Variants in RICTOR observed in about 807,000 individuals in gnomAD.
RICTOR encodes rapamycin-insensitive companion of mTOR.
In RICTOR, 49 loss-of-function variants were observed where a neutral mutation model predicts 214.9. That is an observed-to-expected ratio of 0.23 (90% CI 0.18 to 0.29). The LOEUF (loss-of-function observed/expected upper bound fraction) is 0.29. Ranked by LOEUF, RICTOR falls within the 10% of genes least tolerant of loss-of-function variation. The pLI is 1.00. For missense variants in RICTOR, 1,625 were observed against 2,047.0 expected, an observed-to-expected ratio of 0.79 and a Z score of 3.98; for synonymous variants, 717 against 711.3, an observed-to-expected ratio of 1.01 and a Z score of -0.13.
chr5:39,003,683 C>A, intron 3 of RICTOR, 61 bp from the exon 4 acceptor site: 1 of 969,950 alleles, frequency 1.0e-6, no homozygotes, highest in Admixed American at 2.0e-5. Flanking sequence ...TATTTATATA[C>A]ATTATATATT....
intron 2 of RICTOR, among the ~76,000 whole-genome samples, chr5:39,059,483 T>C (rs1275144169): frequency 6.6e-6 from 1 of 152,152 alleles, no homozygotes; most frequent in East Asian, 1.9e-4. Flanking sequence ...GAATTGTACA[T>C]TTATAACAAA....
intron 5 of RICTOR, among the ~76,000 whole-genome samples, chr5:39,001,449 G>A (rs1468316896): frequency 6.6e-6 from 1 of 152,138 alleles, no homozygotes; most frequent in East Asian, 1.9e-4. Context: ...ATCAAATCAA[G>A]TAAGATGGTT....
chr5:38,970,686 A>G (rs1187691692), intron 11 of RICTOR: 1 of 146,508 alleles, frequency 6.8e-6, no homozygotes, highest in Non-Finnish European at 1.5e-5. Context: ...AAAAACATTT[A>G]AGGAGAAAGG....
chr5:38,958,566 A>G, intron 23 of RICTOR, 47 bp from the exon 24 acceptor site: 2 of 1,552,076 alleles, frequency 1.3e-6, no homozygotes, highest in Non-Finnish European at 8.8e-7. Context: ...AAAAATAGCA[A>G]AATTTTTAGT....
chr5:38,975,921 G>A (rs532598504), intron 9 of RICTOR, among the ~76,000 whole-genome samples: 157 of 152,248 alleles, frequency 1.0e-3, no homozygotes, highest in South Asian at 5.2e-3. Flanking sequence ...TGTGGTACTA[G>A]GCTGCCCCTT....
intron 10 of RICTOR, among the ~76,000 whole-genome samples, chr5:38,974,701 T>C (rs1320164858): frequency 6.6e-6 from 1 of 152,146 alleles, no homozygotes. Flanking sequence ...ATTTATGAGG[T>C]ATAGCAAGGC....
rs1748236124 is a variant in RICTOR at position 38,946,636 on chromosome 5, A to T, written c.4315-84T>A. On this transcript the variant is annotated intron_variant, in intron 32 of 37. Transcript: ENST00000357387. ...AATTAGCAAAATTAAACAAAATAAA[A>T]TTAAAATAGAATTACCATAGCATAT... 3 of 822,266 alleles carry T rather than the reference A, an allele frequency of 3.6e-6. No individual in the cohort carries two copies. The Admixed American group carries it at 5.9e-5, about 16-fold the overall frequency. The allele number at this position is 822,266 out of a possible 1,614,324, so 50.9% of individuals were successfully genotyped here.
intron 2 of RICTOR, among the ~76,000 whole-genome samples, chr5:39,037,241 C>G (rs1237186002): frequency 6.6e-6 from 1 of 152,034 alleles, no homozygotes; most frequent in Non-Finnish European, 1.5e-5. Context: ...GAAATGAAGG[C>G]AGAAATAAAG....
intron 11 of RICTOR, 104 bp downstream of exon 11, chr5:38,971,773 A>G (rs985293794): frequency 4.8e-5 from 31 of 641,784 alleles, no homozygotes; most frequent in Non-Finnish European, 6.6e-5. Flanking sequence ...ATCTAGATTA[A>G]CAACTAATGA....
chr5:38,958,357 T>A (rs1289104801), intron 24 of RICTOR, 86 bp downstream of exon 24: 1 of 836,608 alleles, frequency 1.2e-6, no homozygotes, highest in Admixed American at 1.8e-5. Flanking sequence ...TCAGCGTACT[T>A]CCCATTTGGA....
Position 38,946,359 on chromosome 5 carries a change from T to C in RICTOR, c.4399+109A>G. On this transcript the variant is annotated intron_variant, in intron 33 of 37. Coordinates refer to ENST00000357387, the MANE Select transcript of RICTOR (RefSeq NM_152756.5). The stretch of plus-strand genomic sequence containing the variant: ...TGTTTTGGTATAATTTTAAAGTTGA[T>C]CCAAAAGTGAGTCTTCCTAAATTTT... The C allele has an allele frequency of 4.3e-6, 3 of 700,306 alleles. No homozygotes were observed. In the East Asian group the frequency reaches 7.6e-5, roughly 18 times the overall value. The allele number at this position is 700,306 out of a possible 1,614,324, so 43.4% of individuals were successfully genotyped here.
chr5:38,991,094 G>A lies in RICTOR; in HGVS notation c.457-19C>T, dbSNP rs1752741784. 2 of 1,563,376 alleles carry A rather than the reference G, an allele frequency of 1.3e-6. No homozygotes were observed. Among genetic ancestry groups the A allele is most frequent in the South Asian group, 2.3e-5 (2 of 85,128 alleles). On this transcript the variant is annotated intron_variant, in intron 6 of 37. Transcript: ENST00000357387. ...TAATCATCTGTAACAGAAGGAATCA[G>A]AAAAAGAAGTTACTTTAGTAATACA...
At chr5:39,054,329 A>G (rs890024472) in intron 2 of RICTOR, among the ~76,000 whole-genome samples, 15 of 152,178 alleles carry the variant, frequency 9.9e-5, no homozygotes, top group Non-Finnish European at 1.5e-5. Flanking sequence ...TTAGTGCTGG[A>G]TAGGTGGGAC....
chr5:38,942,451 A>T, intron 37 of RICTOR, 73 bp from the exon 38 acceptor site: 3 of 788,538 alleles, frequency 3.8e-6, no homozygotes, highest in South Asian at 2.7e-5. Flanking sequence ...ATAAATATCT[A>T]ATTTTTTTTT....
intron 11 of RICTOR, chr5:38,970,003 C>T (rs1318922840): frequency 1.3e-5 from 2 of 151,978 alleles, no homozygotes; most frequent in Non-Finnish European, 2.9e-5. Flanking sequence ...TTTATTGTAC[C>T]TTTTCTATGT....
At chr5:38,985,208 TCTCAGATG>T (rs1219906002) in intron 7 of RICTOR, among the ~76,000 whole-genome samples, 1 of 152,202 alleles carries the variant, frequency 6.6e-6, no homozygotes, top group African/African-American at 2.4e-5. Flanking sequence ...ATACCAAAAT[TCTCAGATG>T]CTCAAGTCCT....
At chr5:39,061,663 G>T (rs1391572347) in intron 2 of RICTOR, among the ~76,000 whole-genome samples, 1 of 151,348 alleles carries the variant, frequency 6.6e-6, no homozygotes, top group African/African-American at 2.4e-5. Flanking sequence ...TGTATGCAAA[G>T]AATTCCTCCC....
chr5:38,960,270 TTA>T (rs1185359446), intron 20 of RICTOR, 126 bp downstream of exon 20: 1 of 945,698 alleles, frequency 1.1e-6, no homozygotes, highest in Non-Finnish European at 1.6e-6. Flanking sequence ...GGATCATTTC[TTA>T]TGTTTCCAAA....
chr5:38,956,018 CTCT>C (rs561276366), intron 25 of RICTOR, among the ~76,000 whole-genome samples: 132 of 152,076 alleles, frequency 8.7e-4, no homozygotes, highest in African/African-American at 3.1e-3. Flanking sequence ...TAAATGTGAT[CTCT>C]TAATAGTGAT....
Sources: gnomAD v4.1 joint callset for allele counts (sites outside exome capture counted in the v4.1 genomes callset) on GRCh38, gnomAD v4.1.1 for gene constraint, MANE v1.5 for transcripts, NCBI Gene and HGNC (gene_info 2026-07-23, HGNC 2026-07-21) for gene names.